The following CSMD1 variants were observed in gnomAD, a reference collection of about 807,000 sequenced individuals.
CSMD1 encodes CUB and sushi domain-containing protein 1.
In CSMD1, 213 loss-of-function variants were observed where a neutral mutation model predicts 417.5. The observed-to-expected ratio is 0.51, with a 90% CI of 0.46 to 0.57. CSMD1 has a LOEUF of 0.57. CSMD1 is among the 20% of genes least tolerant of loss of function. The pLI is 0.00. For synonymous variants in CSMD1, 2,862 were observed against 1,736.8 expected, an observed-to-expected ratio of 1.65 and a Z score of -16.11; for missense variants, 6,923 against 4,529.7, an observed-to-expected ratio of 1.53 and a Z score of -15.17.
intron 1 of CSMD1, among the ~76,000 whole-genome samples, chr8:4,932,715 C>G (rs1001098909): frequency 6.6e-6 from 1 of 152,174 alleles, no homozygotes; most frequent in Non-Finnish European, 1.5e-5. Context: ...TGTGCTGGCA[C>G]AGAAGTGATC....
At chr8:4,228,814 G>T (rs565795306) in intron 3 of CSMD1, among the ~76,000 whole-genome samples, 1 of 152,036 alleles carries the variant, frequency 6.6e-6, no homozygotes, top group South Asian at 2.1e-4. Flanking sequence ...ATCCCAAGTA[G>T]CTGGGACTTC....
At chr8:4,864,742 C>G (rs1334933904) in intron 1 of CSMD1, among the ~76,000 whole-genome samples, 1 of 151,526 alleles carries the variant, frequency 6.6e-6, no homozygotes, top group Non-Finnish European at 1.5e-5. Flanking sequence ...GTATATTTTC[C>G]ATATGAGTCA....
At chr8:4,443,252 A>C (rs1457134732) in intron 2 of CSMD1, among the ~76,000 whole-genome samples, 2 of 152,194 alleles carry the variant, frequency 1.3e-5, no homozygotes, top group African/African-American at 4.8e-5. Flanking sequence ...GGATAATGTC[A>C]AATCATCAGC....
At chr8:3,695,079 A>C (rs1585088981) in intron 7 of CSMD1, among the ~76,000 whole-genome samples, 1 of 61,200 alleles carries the variant, frequency 1.6e-5, no homozygotes, top group African/African-American at 5.8e-5. Context: ...AAAGAATTGG[A>C]GGCCCTGCGT....
At chr8:3,655,591 G>C (rs112504196) in intron 7 of CSMD1, among the ~76,000 whole-genome samples, 5 of 151,390 alleles carry the variant, frequency 3.3e-5, no homozygotes, top group African/African-American at 1.2e-4. Context: ...ATGAATGCCC[G>C]TCCCACCAGG....
intron 58 of CSMD1, 71 bp from the exon 59 acceptor site, chr8:2,966,025 TTCAA>T: frequency 7.6e-7 from 1 of 1,318,034 alleles, no homozygotes; most frequent in Non-Finnish European, 1.1e-6. Context: ...ACCATTTCTA[TTCAA>T]GATACTCTCT....
At chr8:3,713,842 G>C (rs963553446) in intron 6 of CSMD1, among the ~76,000 whole-genome samples, 4 of 152,148 alleles carry the variant, frequency 2.6e-5, no homozygotes, top group Non-Finnish European at 4.4e-5. Flanking sequence ...GGAGAAATGG[G>C]TGAAAAATAT....
chr8:4,227,628 G>T (rs958082988), intron 3 of CSMD1, among the ~76,000 whole-genome samples: 1 of 151,960 alleles, frequency 6.6e-6, no homozygotes. Context: ...CAGACACTCG[G>T]CCTTCTTCCT....
intron 3 of CSMD1, among the ~76,000 whole-genome samples, chr8:4,040,376 C>A (rs1797824779): frequency 6.6e-6 from 1 of 152,134 alleles, no homozygotes; most frequent in Admixed American, 6.6e-5. Context: ...AACAAACACA[C>A]AAACAAAAAC....
intron 3 of CSMD1, among the ~76,000 whole-genome samples, chr8:4,219,502 C>T (rs1189910808): frequency 6.6e-6 from 1 of 152,098 alleles, no homozygotes. Flanking sequence ...CTTGGGTGTT[C>T]CCAACATTTC....
At chr8:3,213,853 T>TAC (rs1414496572) in intron 30 of CSMD1, among the ~76,000 whole-genome samples, 7 of 128,136 alleles carry the variant, frequency 5.5e-5, no homozygotes, top group East Asian at 2.3e-4. Context: ...TGTATATACA[T>TAC]ACACATATAT....
chr8:3,945,950 T>C (rs1811194237), intron 5 of CSMD1, among the ~76,000 whole-genome samples: 2 of 152,272 alleles, frequency 1.3e-5, no homozygotes, highest in Middle Eastern at 6.8e-3. Context: ...TTATTACTAA[T>C]AACTTAAATT....
At chr8:4,080,442 A>T (rs1800070972) in intron 3 of CSMD1, among the ~76,000 whole-genome samples, 1 of 152,202 alleles carries the variant, frequency 6.6e-6, no homozygotes, top group South Asian at 2.1e-4. Context: ...TACATTATCC[A>T]TGTGTTACAT....
chr8:3,566,444 G>T (rs533422104), intron 10 of CSMD1, among the ~76,000 whole-genome samples: 1 of 152,020 alleles, frequency 6.6e-6, no homozygotes, highest in Non-Finnish European at 1.5e-5. Context: ...TGTACCTAGG[G>T]ACCACCGTAC....
intron 5 of CSMD1, among the ~76,000 whole-genome samples, chr8:3,807,780 T>C (rs1208753908): frequency 1.3e-5 from 2 of 152,192 alleles, no homozygotes; most frequent in Admixed American, 6.5e-5. Context: ...CTCTGAGATA[T>C]CTAGATTGTC....
intron 28 of CSMD1, among the ~76,000 whole-genome samples, chr8:3,222,843 T>G (rs947975682): frequency 4.6e-5 from 7 of 152,146 alleles, no homozygotes; most frequent in Admixed American, 1.3e-4. Context: ...CATAGAAACG[T>G]AAAATTCTAC....
chr8:4,328,457 A>G (rs1799681671), intron 3 of CSMD1, among the ~76,000 whole-genome samples: 1 of 152,028 alleles, frequency 6.6e-6, no homozygotes, highest in Admixed American at 6.6e-5. Context: ...TGTCACACAT[A>G]AGGTAACAGT....
At chr8:3,316,635 C>T (rs1305348689) in intron 23 of CSMD1, among the ~76,000 whole-genome samples, 7 of 152,210 alleles carry the variant, frequency 4.6e-5, no homozygotes, top group Non-Finnish European at 1.0e-4. Context: ...CAGTTGGGAA[C>T]ACCAATTTAC....
intron 2 of CSMD1, among the ~76,000 whole-genome samples, chr8:4,540,164 C>T (rs1194370664): frequency 6.6e-6 from 1 of 152,142 alleles, no homozygotes; most frequent in Non-Finnish European, 1.5e-5. Flanking sequence ...GCATGATGGA[C>T]TCAAGTTAGG....
Sources: gnomAD v4.1 joint callset for allele counts (sites outside exome capture counted in the v4.1 genomes callset) on GRCh38, gnomAD v4.1.1 for gene constraint, MANE v1.5 for transcripts, NCBI Gene and HGNC (gene_info 2026-07-23, HGNC 2026-07-21) for gene names.